The following OSBPL9 variants were observed in gnomAD, a reference collection of about 807,000 sequenced individuals.
OSBPL9 encodes the protein oxysterol-binding protein-related protein 9.
OSBPL9 carries 40 observed loss-of-function variants against 106.6 expected under a neutral mutation model. That is an observed-to-expected ratio of 0.38 (90% CI 0.29 to 0.49). The LOEUF (loss-of-function observed/expected upper bound fraction) is 0.49, where lower values mean the gene tolerates loss of function less well. OSBPL9 is among the 20% of genes least tolerant of loss of function. The pLI is 0.97. For missense variants in OSBPL9, 609 were observed against 887.2 expected, an observed-to-expected ratio of 0.69 and a Z score of 3.98; for synonymous variants, 269 against 295.4, an observed-to-expected ratio of 0.91 and a Z score of 0.92.
At chr1:51,530,170 C>CAAAAAAAAA in the OSBPL9 span, among the ~76,000 whole-genome samples, 30 of 10,992 alleles carry the variant, frequency 2.7e-3, 3 homozygotes, top group African/African-American at 7.5e-3. Context: ...GACTCTGTCT[C>CAAAAAAAAA]AAAAAAAAAA....
intron 8 of OSBPL9, among the ~76,000 whole-genome samples, chr1:51,750,630 T>C (rs546798641): frequency 5.4e-4 from 82 of 152,358 alleles, no homozygotes; most frequent in African/African-American, 1.7e-3. Flanking sequence ...GGATTTTAAT[T>C]ATTCTTCCTT....
intron 9 of OSBPL9, among the ~76,000 whole-genome samples, chr1:51,757,287 T>A (rs1670535595): frequency 6.6e-6 from 1 of 152,108 alleles, no homozygotes; most frequent in Non-Finnish European, 1.5e-5. Context: ...ATTAAATATA[T>A]CAGAATTTTT....
At chr1:51,736,063 A>G (rs529885964) in intron 4 of OSBPL9, among the ~76,000 whole-genome samples, 1 of 152,254 alleles carries the variant, frequency 6.6e-6, no homozygotes, top group African/African-American at 2.4e-5. Context: ...TTAAATGTTA[A>G]CAGGTGGGCA....
At chr1:51,769,014 TG>T (rs1330136877) in intron 12 of OSBPL9, among the ~76,000 whole-genome samples, 1 of 152,216 alleles carries the variant, frequency 6.6e-6, no homozygotes, top group African/African-American at 2.4e-5. Flanking sequence ...GGCAGCACAG[TG>T]TTCTGTTGAC....
chr1:51,559,946 C>T, the OSBPL9 span, among the ~76,000 whole-genome samples: 115 of 152,286 alleles, frequency 7.6e-4, no homozygotes, highest in African/African-American at 2.7e-3. Flanking sequence ...TGTGTCCCTT[C>T]CTCCCTTCCT....
At chr1:51,746,661 C>A in intron 5 of OSBPL9, 49 bp from the exon 6 acceptor site, 1 of 1,323,332 alleles carries the variant, frequency 7.6e-7, no homozygotes, top group Non-Finnish European at 1.1e-6. Context: ...GAATGTACAT[C>A]GTATAGTAAA....
the OSBPL9 span, among the ~76,000 whole-genome samples, chr1:51,562,895 C>G: frequency 6.6e-6 from 1 of 152,142 alleles, no homozygotes; most frequent in Non-Finnish European, 1.5e-5. Flanking sequence ...AACATGAGGT[C>G]AGGAGTTAGC....
At chr1:51,686,986 TA>T (rs1391370921) in intron 3 of OSBPL9, among the ~76,000 whole-genome samples, 2 of 152,240 alleles carry the variant, frequency 1.3e-5, no homozygotes, top group African/African-American at 2.4e-5. Flanking sequence ...ATGCTGACTC[TA>T]TAAGTGTTGT....
At chr1:51,722,582 G>C (rs1465831831) in intron 4 of OSBPL9, among the ~76,000 whole-genome samples, 1 of 152,272 alleles carries the variant, frequency 6.6e-6, no homozygotes, top group Admixed American at 6.5e-5. Flanking sequence ...TTGTTTGAAG[G>C]GATGCTAAGG....
At chr1:51,631,493 A>T (rs184078670) in intron 1 of OSBPL9, among the ~76,000 whole-genome samples, 104 of 152,170 alleles carry the variant, frequency 6.8e-4, no homozygotes, top group African/African-American at 2.5e-3. Flanking sequence ...GTGAGCTATG[A>T]TCATGCCACT....
chr1:51,789,165 T>TAAC lies in OSBPL9; in HGVS notation c.*1377_*1379dup, dbSNP rs1678419192. The TAAC allele has an allele frequency of 7.0e-7, 1 of 1,421,830 alleles. No homozygotes were observed. Among genetic ancestry groups the TAAC allele is most frequent in the East Asian group, 2.3e-5 (1 of 43,890 alleles). The allele number at this position is 1,421,830 out of a possible 1,614,324, so 88.1% of individuals were successfully genotyped here. On this transcript the variant is annotated 3_prime_UTR_variant, in exon 24 of 24. Coordinates refer to ENST00000428468, the MANE Select transcript of OSBPL9 (RefSeq NM_024586.6). ...GGAAGCCCTAAGGCAGTAGTATAAC[T>TAAC]AACTCCATAAAATACAAACAAACAC...
chr1:51,608,324 A>G (rs969970518), intron 2 of OSBPL9, among the ~76,000 whole-genome samples: 5 of 151,960 alleles, frequency 3.3e-5, no homozygotes, highest in African/African-American at 1.2e-4. Context: ...ACGGAGTCTC[A>G]CTCTGTCACC....
chr1:51,714,145 TG>T, intron 4 of OSBPL9, 66 bp downstream of exon 4: 1 of 1,264,766 alleles, frequency 7.9e-7, no homozygotes, highest in Non-Finnish European at 1.1e-6. Flanking sequence ...GTCTGTTTTC[TG>T]TTTTTTTTTT....
At chr1:51,534,920 T>C in the OSBPL9 span, among the ~76,000 whole-genome samples, 282 of 152,336 alleles carry the variant, frequency 1.9e-3, no homozygotes, top group African/African-American at 6.7e-3. Context: ...AGGCTCTAAT[T>C]TTTCTGTTAT....
At chr1:51,650,797 A>G (rs891477422) in intron 1 of OSBPL9, among the ~76,000 whole-genome samples, 4 of 152,174 alleles carry the variant, frequency 2.6e-5, no homozygotes, top group Non-Finnish European at 4.4e-5. Flanking sequence ...ATTATTTGAG[A>G]TGTTACTTTG....
intron 4 of OSBPL9, among the ~76,000 whole-genome samples, chr1:51,721,165 A>G (rs901567495): frequency 2.7e-5 from 4 of 150,128 alleles, no homozygotes; most frequent in African/African-American, 9.8e-5. Flanking sequence ...TGTCGTCACT[A>G]GCTTTTATCT....
At chr1:51,708,275 T>A (rs573624713) in intron 3 of OSBPL9, 1 of 151,464 alleles carries the variant, frequency 6.6e-6, no homozygotes, top group East Asian at 1.9e-4. Flanking sequence ...TTTTTTTTTT[T>A]TTTTTACTGG....
At chr1:51,564,966 C>T in the OSBPL9 span, among the ~76,000 whole-genome samples, 1 of 152,290 alleles carries the variant, frequency 6.6e-6, no homozygotes, top group Admixed American at 6.5e-5. Context: ...GCAACCCAGC[C>T]CCTTATTTTT....
intron 20 of OSBPL9, chr1:51,785,557 TGGTCCTTG>T: frequency 2.0e-6 from 1 of 488,386 alleles, no homozygotes; most frequent in African/African-American, 2.0e-5. Flanking sequence ...AACTCTGTTA[TGGTCCTTG>T]CACCCAGAAT....
Sources: gnomAD v4.1 joint callset for allele counts (sites outside exome capture counted in the v4.1 genomes callset) on GRCh38, gnomAD v4.1.1 for gene constraint, MANE v1.5 for transcripts, NCBI Gene and HGNC (gene_info 2026-07-23, HGNC 2026-07-21) for gene names.